Variants in OPA3 observed in about 807,000 individuals in gnomAD.
OPA3 encodes the protein optic atrophy 3 protein.
OPA3 carries 6 observed loss-of-function variants against 4.0 expected under a neutral mutation model. The observed-to-expected ratio is 1.51, with a 90% confidence interval of 0.83 to 2.99. The LOEUF is 2.99. Ranked by LOEUF, OPA3 falls within the 30% of genes most tolerant of loss-of-function variation. OPA3 has a pLI of 0.00. For synonymous variants in OPA3, 105 were observed against 117.1 expected (o/e 0.90, Z 0.67); for missense variants, 235 against 256.2 (o/e 0.92, Z 0.56).
At chr19:45,570,762 CTGAGGCAGGATAATCACT>C (rs1444035295) in intron 1 of OPA3, among the ~76,000 whole-genome samples, 1 of 150,850 alleles carries the variant, frequency 6.6e-6, no homozygotes, top group Non-Finnish European at 1.5e-5. Context: ...GCTCGGGAGG[CTGAGGCAGGATAATCACT>C]TGAACCTGGG....
At chr19:45,557,323 C>T (rs1027246840) in intron 1 of OPA3, among the ~76,000 whole-genome samples, 7 of 152,104 alleles carry the variant, frequency 4.6e-5, no homozygotes, top group Admixed American at 6.6e-5. Context: ...CAGGGGCCGA[C>T]GGCATTCTCC....
Position 45,538,752 on chromosome 19 carries a change from A to T in OPA3, c.143-9296T>A, listed in dbSNP as rs116339075. On this transcript the variant is annotated intron_variant, in intron 1 of 1. Transcript: ENST00000323060. ...AAAAAAAAAAGAAAAGATGCTCAAC[A>T]CATTAGTTAGTAGAGCAATACAAGT... Among the ~76,000 whole-genome samples the T allele has an allele frequency of 5.8e-3, 879 of 152,162 alleles. 10 individuals carry two copies. Among genetic ancestry groups the T allele is most frequent in the African/African-American group, 0.02 (814 of 41,516 alleles).
At chr19:45,563,287 G>A (rs1969532346) in intron 1 of OPA3, among the ~76,000 whole-genome samples, 1 of 152,192 alleles carries the variant, frequency 6.6e-6, no homozygotes, top group African/African-American at 2.4e-5. Flanking sequence ...AGCCTCCTGA[G>A]TAGCTGGGAC....
chr19:45,542,680 T>G (rs201344948), downstream of OPA3, among the ~76,000 whole-genome samples: 1 of 147,176 alleles, frequency 6.8e-6, no homozygotes, highest in Admixed American at 6.8e-5. Flanking sequence ...TTTTTTTTTT[T>G]TTTTTTTTGA....
intron 1 of OPA3, among the ~76,000 whole-genome samples, chr19:45,569,761 A>G (rs1320035863): frequency 6.6e-6 from 1 of 151,934 alleles, no homozygotes; most frequent in East Asian, 1.9e-4. Context: ...CTCCCTTATG[A>G]AACATAAAGG....
rs1401716837 is a variant in OPA3 at position 45,529,799 on chromosome 19, C to T, written c.143-343G>A. Among the ~76,000 whole-genome samples, 3 of 152,130 alleles carry T rather than the reference C, an allele frequency of 2.0e-5. No homozygotes were observed. In the East Asian group the frequency reaches 5.8e-4, roughly 29 times the overall value. On this transcript the variant is annotated intron_variant, in intron 1 of 1. Coordinates refer to the OPA3 transcript ENST00000323060. ...AGGCTGGAGTGCAGTGCCGAAATCA[C>T]AGCTTACTGCAGCCTCGAACTCCTG...
At chr19:45,533,911 GTCAGTTCAGTCCATGTGAATTCTAGTA>G (rs1186158556) in intron 1 of OPA3, among the ~76,000 whole-genome samples, 1 of 152,242 alleles carries the variant, frequency 6.6e-6, no homozygotes, top group African/African-American at 2.4e-5. Flanking sequence ...CTGGAGACAA[GTCAGTTCAGTCCATGTGAATTCTAGTA>G]TCAGTTTGTC....
chr19:45,574,269 C>G (rs1969733671), intron 1 of OPA3, among the ~76,000 whole-genome samples: 1 of 151,980 alleles, frequency 6.6e-6, no homozygotes, highest in African/African-American at 2.4e-5. Flanking sequence ...GTGGCGGGCG[C>G]CTGTAGTCCC....
intron 1 of OPA3, among the ~76,000 whole-genome samples, chr19:45,569,327 C>A (rs767217261): frequency 6.6e-6 from 1 of 152,032 alleles, no homozygotes; most frequent in Non-Finnish European, 1.5e-5. Context: ...GGCGTGGTGG[C>A]GGGCACCTGT....
At chr19:45,537,407 A>AC (rs1969131338) in intron 1 of OPA3, among the ~76,000 whole-genome samples, 1 of 125,486 alleles carries the variant, frequency 8.0e-6, no homozygotes, top group Admixed American at 8.2e-5. Flanking sequence ...AAAAAAAAAA[A>AC]AAAAAAAAAA....
Position 45,548,573 on chromosome 19 carries a change from C to A in OPA3, c.*4941G>T. 2.0e-6 allele frequency: 2 copies of A among 985,326 alleles called. No individual in the cohort carries two copies. The highest frequency in any genetic ancestry group is 2.4e-6 in the Non-Finnish European group (2 of 829,908). The allele number at this position is 985,326 out of a possible 1,614,324, so 61.0% of individuals were successfully genotyped here. A position where few individuals can be genotyped will look rare whatever the true frequency, so the allele number is the denominator to read the frequency against. On this transcript the variant is annotated 3_prime_UTR_variant, in exon 2 of 2. Transcript: ENST00000263275. ...TCTGTAAGACCCGGTGACGGCAGGG[C>A]TGGGGCTGTCTCTGTCACCACTGTG... is the stretch of plus-strand genomic sequence containing the variant.
At chr19:45,534,527 C>T (rs1211545729) in intron 1 of OPA3, among the ~76,000 whole-genome samples, 2 of 143,068 alleles carry the variant, frequency 1.4e-5, no homozygotes, top group Non-Finnish European at 1.5e-5. Context: ...TGCCATCACA[C>T]TCCAGCCTGG....
chr19:45,537,396 C>CAAAAAAAAAAAAAAAAAAAAAAAAAAA (rs1181396046), intron 1 of OPA3, among the ~76,000 whole-genome samples: 1 of 28,918 alleles, frequency 3.5e-5, no homozygotes. Context: ...GACTCTGTCT[C>CAAAAAAAAAAAAAAAAAAAAAAAAAAA]AAAAAAAAAA....
Position 45,547,071 on chromosome 19 carries a change from A to G in OPA3, c.*6443T>C, listed in dbSNP as rs1016899115. On this transcript the variant is annotated 3_prime_UTR_variant, in exon 2 of 2. Transcript: ENST00000263275. ...CTGCTGAGCACTGGGGTCATTTCCTATGGGGAAGGAGGGAGGGAGGGAGGA... is the reference window on the plus strand; with the variant it reads ...CTGCTGAGCACTGGGGTCATTTCCTGTGGGGAAGGAGGGAGGGAGGGAGGA... 3 of 152,188 alleles carry G rather than the reference A, an allele frequency of 2.0e-5. No individual in the cohort carries two copies. The highest frequency in any genetic ancestry group is 6.6e-5 in the Admixed American group (1 of 15,260). 9.4% of individuals were successfully genotyped at this position (152,188 alleles called of 1,614,324 possible). A position where few individuals can be genotyped will look rare whatever the true frequency, so the allele number is the denominator to read the frequency against.
chr19:45,557,420 G>A (rs1599969428), intron 1 of OPA3, among the ~76,000 whole-genome samples: 1 of 152,142 alleles, frequency 6.6e-6, no homozygotes, highest in Admixed American at 6.5e-5. Flanking sequence ...AGGGACAGCT[G>A]TGAGGGGCCG....
intron 1 of OPA3, among the ~76,000 whole-genome samples, chr19:45,562,343 CAAAA>C (rs1218744939): frequency 0.056 from 3,876 of 69,416 alleles, 81 homozygotes; most frequent in African/African-American, 0.14. Flanking sequence ...GACTCCATCT[CAAAA>C]AAAAAAAAAA....
At chr19:45,561,072 G>A (rs566996292) in intron 1 of OPA3, among the ~76,000 whole-genome samples, 9 of 152,262 alleles carry the variant, frequency 5.9e-5, no homozygotes, top group East Asian at 1.9e-4. Context: ...GGTGGCTCAC[G>A]CCTGTAATCC....
At chr19:45,584,270 C>G in intron 1 of OPA3, 5 of 907,864 alleles carry the variant, frequency 5.5e-6, no homozygotes, top group Non-Finnish European at 5.3e-6. Context: ...GGACCCCGTC[C>G]GGTTTCTCCT....
chr19:45,568,923 G>A (rs1250938353), intron 1 of OPA3, among the ~76,000 whole-genome samples: 1 of 152,138 alleles, frequency 6.6e-6, no homozygotes, highest in African/African-American at 2.4e-5. Flanking sequence ...TGCCCCATGA[G>A]AGCAAGGATC....
Sources: gnomAD v4.1 joint callset for allele counts (sites outside exome capture counted in the v4.1 genomes callset) on GRCh38, gnomAD v4.1.1 for gene constraint, MANE v1.5 for transcripts, NCBI Gene and HGNC (gene_info 2026-07-23, HGNC 2026-07-21) for gene names.